Variants in EIPR1 observed in about 807,000 individuals in gnomAD.
EIPR1 encodes EARP and GARP complex-interacting protein 1.
EIPR1 carries 25 observed loss-of-function variants against 48.1 expected under a neutral mutation model. That is an observed-to-expected ratio of 0.52 (90% CI 0.38 to 0.73). EIPR1 has a LOEUF of 0.73. EIPR1 is among the 30% of genes least tolerant of loss of function. The pLI, the probability that EIPR1 is intolerant of heterozygous loss-of-function variation, is 0.00. For missense variants in EIPR1, 415 were observed against 506.2 expected (o/e 0.82, Z 1.73); for synonymous variants, 204 against 201.9 (o/e 1.01, Z -0.09).
chr2:3,301,916 C>G (rs111880050), intron 3 of EIPR1, among the ~76,000 whole-genome samples: 103 of 152,284 alleles, frequency 6.8e-4, no homozygotes, highest in African/African-American at 2.1e-3. Context: ...ACTTCTAAAA[C>G]AAGGGTCAGG....
chr2:3,365,950 TC>T, intron 1 of EIPR1, among the ~76,000 whole-genome samples: 1 of 42,892 alleles, frequency 2.3e-5, no homozygotes, highest in Non-Finnish European at 8.6e-5. Flanking sequence ...AGCCGCCCAG[TC>T]CGGGAGGGAG....
At chr2:3,293,599 C>A (rs887163864) in intron 3 of EIPR1, among the ~76,000 whole-genome samples, 1 of 152,218 alleles carries the variant, frequency 6.6e-6, no homozygotes, top group East Asian at 1.9e-4. Context: ...GCCCCTTAAC[C>A]TCTGCTCCAC....
At chr2:3,364,950 C>T (rs562289319) in intron 1 of EIPR1, among the ~76,000 whole-genome samples, 1 of 152,126 alleles carries the variant, frequency 6.6e-6, no homozygotes, top group Admixed American at 6.5e-5. Flanking sequence ...AACAGTCTAT[C>T]GTACATTTCA....
intron 3 of EIPR1, among the ~76,000 whole-genome samples, chr2:3,270,136 A>C (rs1299855158): frequency 6.6e-6 from 1 of 152,238 alleles, no homozygotes; most frequent in Non-Finnish European, 1.5e-5. Context: ...AGTAGCCTCC[A>C]TTTTGCCCAT....
At chr2:3,369,403 A>C (rs554719069) in intron 1 of EIPR1, among the ~76,000 whole-genome samples, 6,747 of 152,190 alleles carry the variant, frequency 0.044, 621 homozygotes, top group East Asian at 0.4. Flanking sequence ...GGGTGCAGCG[A>C]ACCGTGCGCA....
chr2:3,230,243 A>C (rs543220254), intron 4 of EIPR1, among the ~76,000 whole-genome samples: 1 of 152,352 alleles, frequency 6.6e-6, no homozygotes, highest in Non-Finnish European at 1.5e-5. Context: ...TAACCAAAAA[A>C]CATGGTGAGT....
intron 3 of EIPR1, among the ~76,000 whole-genome samples, chr2:3,257,761 T>C (rs981659722): frequency 1.3e-5 from 2 of 152,158 alleles, no homozygotes; most frequent in African/African-American, 4.8e-5. Context: ...TCAATAGTTC[T>C]TCAAAAAAGG....
intron 4 of EIPR1, among the ~76,000 whole-genome samples, chr2:3,218,442 C>A (rs572048746): frequency 7.0e-6 from 1 of 142,720 alleles, no homozygotes; most frequent in Admixed American, 7.0e-5. Flanking sequence ...ACACCCAACA[C>A]GGCCCCGATA....
chr2:3,377,547 T>A, intron 1 of EIPR1, 101 bp downstream of exon 1: 1 of 1,446,208 alleles, frequency 6.9e-7, no homozygotes, highest in Non-Finnish European at 9.5e-7. Context: ...CACGGGTCCT[T>A]GCAGGGCTGG....
chr2:3,257,622 T>C, intron 3 of EIPR1, 167 bp from the exon 4 acceptor site: 1 of 718,480 alleles, frequency 1.4e-6, no homozygotes, highest in Non-Finnish European at 2.1e-6. Flanking sequence ...ACAGCCTGAG[T>C]CGGCAGGCAG....
intron 3 of EIPR1, among the ~76,000 whole-genome samples, chr2:3,333,982 C>A (rs1459769553): frequency 6.6e-6 from 1 of 152,094 alleles, no homozygotes; most frequent in Non-Finnish European, 1.5e-5. Flanking sequence ...CCCTCAGCCT[C>A]TTCATTAAAA....
chr2:3,369,986 C>A (rs1013609709), intron 1 of EIPR1, among the ~76,000 whole-genome samples: 5 of 152,198 alleles, frequency 3.3e-5, no homozygotes, highest in African/African-American at 1.2e-4. Context: ...GGAGGCACCC[C>A]CCCCGTAGGG....
Position 3,313,368 on chromosome 2 carries a change from A to G in EIPR1, c.259+24649T>C, listed in dbSNP as rs537315340. Among the ~76,000 whole-genome samples, 16 of 152,248 alleles carry G rather than the reference A, an allele frequency of 1.1e-4. No homozygotes were observed. In the South Asian group the frequency reaches 3.3e-3, roughly 32 times the overall value. ...CACAAAATGCCGCCTGAGAGTTAAA[A>G]AAGTGGGTGGGGGGGTTCAAGGCGC... On this transcript the variant is annotated intron_variant, in intron 3 of 8. Transcript: ENST00000382125.
chr2:3,244,552 A>C (rs928961296), intron 4 of EIPR1, among the ~76,000 whole-genome samples: 3 of 152,226 alleles, frequency 2.0e-5, no homozygotes, highest in African/African-American at 7.2e-5. Context: ...TCAGATCATG[A>C]GGGCAAAGCC....
At chr2:3,367,910 T>C (rs1216743600) in intron 1 of EIPR1, among the ~76,000 whole-genome samples, 2 of 151,982 alleles carry the variant, frequency 1.3e-5, no homozygotes, top group African/African-American at 4.8e-5. Context: ...CCAGGCGCGG[T>C]GGCAGGCGCC....
At chr2:3,333,519 T>C (rs1302501989) in intron 3 of EIPR1, among the ~76,000 whole-genome samples, 1 of 151,952 alleles carries the variant, frequency 6.6e-6, no homozygotes, top group Non-Finnish European at 1.5e-5. Context: ...GGGTAGATCA[T>C]TTGAGCTCAG....
At chr2:3,337,883 C>G in intron 3 of EIPR1, 134 bp downstream of exon 3, 1 of 902,176 alleles carries the variant, frequency 1.1e-6, no homozygotes. Context: ...CATGGCTTCT[C>G]TGTGCATGCA....
Position 3,233,640 on chromosome 2 carries a change from AC to A in EIPR1, c.417-19393del, listed in dbSNP as rs376436770. ...TTTCTAACAACTAGGAAGTTTGTCCACCCGTCAAGTGTGTACTGGCTGCTTC... is the reference window on the plus strand; with the variant it reads ...TTTCTAACAACTAGGAAGTTTGTCCACCGTCAAGTGTGTACTGGCTGCTTC... On this transcript the variant is annotated intron_variant, in intron 4 of 8. Transcript: ENST00000382125. 3.9e-4 allele frequency among the ~76,000 whole-genome samples: 60 copies of A among 152,282 alleles called. 1 individual carries two copies. In the East Asian group the frequency reaches 8.3e-3, roughly 21 times the overall value.
chr2:3,282,769 T>C (rs1227522028), intron 3 of EIPR1: 1 of 152,232 alleles, frequency 6.6e-6, no homozygotes, highest in Non-Finnish European at 1.5e-5. Context: ...GGGTGCCCAT[T>C]AGTGCTCTCC....
Sources: allele counts gnomAD v4.1 joint callset (sites outside exome capture counted in the v4.1 genomes callset), GRCh38; gene constraint gnomAD v4.1.1; transcripts MANE v1.5; gene names NCBI Gene and HGNC (gene_info 2026-07-23, HGNC 2026-07-21).